TMEM132B: variants seen among roughly 807,000 people sequenced by gnomAD.
TMEM132B encodes the protein transmembrane protein 132B.
In TMEM132B, 18 loss-of-function variants were observed where a neutral mutation model predicts 90.8. The observed-to-expected ratio is 0.20, with a 90% confidence interval of 0.14 to 0.29. The LOEUF (loss-of-function observed/expected upper bound fraction) is 0.29. Ranked by LOEUF, TMEM132B falls within the 10% of genes least tolerant of loss-of-function variation. TMEM132B has a pLI of 1.00. For missense variants in TMEM132B, 1,096 were observed against 1,326.8 expected, an observed-to-expected ratio of 0.83 and a Z score of 2.70; for synonymous variants, 504 against 523.3, an observed-to-expected ratio of 0.96 and a Z score of 0.50.
chr12:125,577,603 C>G (rs1884968934), intron 4 of TMEM132B, among the ~76,000 whole-genome samples: 3 of 150,436 alleles, frequency 2.0e-5, no homozygotes, highest in Non-Finnish European at 3.0e-5. Context: ...CTATACTTAA[C>G]ATTTTTTCTA....
At chr12:125,233,144 C>T (rs1182904941) in intron 1 of TMEM132B, among the ~76,000 whole-genome samples, 1 of 152,194 alleles carries the variant, frequency 6.6e-6, no homozygotes, top group Non-Finnish European at 1.5e-5. Context: ...ATTTTTAACT[C>T]ACCCCAGTGT....
intron 3 of TMEM132B, among the ~76,000 whole-genome samples, chr12:125,506,616 G>C (rs1403084139): frequency 6.6e-6 from 1 of 152,038 alleles, no homozygotes; most frequent in African/African-American, 2.4e-5. Context: ...ACTCTCTTAA[G>C]TGGGACATAA....
In TMEM132B at chr12:125,187,336, G is replaced by A. The variant is rs376951479; in HGVS notation, c.67+470G>A. Among the ~76,000 whole-genome samples, 45 of 152,334 alleles carry A rather than the reference G, an allele frequency of 3.0e-4. 1 individual carries two copies. The highest frequency in any genetic ancestry group is 1.0e-3 in the African/African-American group (42 of 41,584). ...GCGGGCCCCGGAGATGTCTCGGCCG[G>A]CGCTGTCTGGCTTGTCCGCAGCCCC... On this transcript the variant is annotated intron_variant, in intron 1 of 8. Transcript: ENST00000682704.
chr12:125,534,521 T>A (rs1299130314), intron 4 of TMEM132B, among the ~76,000 whole-genome samples: 1 of 152,028 alleles, frequency 6.6e-6, no homozygotes, highest in African/African-American at 2.4e-5. Flanking sequence ...TGTCTCAGAT[T>A]TTCCACCCCA....
At chr12:125,551,762 A>C (rs1053133546) in intron 4 of TMEM132B, among the ~76,000 whole-genome samples, 1 of 152,176 alleles carries the variant, frequency 6.6e-6, no homozygotes, top group South Asian at 2.1e-4. Context: ...AGCTGGGGGC[A>C]GTTGAGCCAG....
chr12:125,646,952 T>C (rs1886778829), intron 6 of TMEM132B, among the ~76,000 whole-genome samples: 1 of 152,102 alleles, frequency 6.6e-6, no homozygotes. Context: ...AAGCTTTCAG[T>C]AGGAAATTAC....
At chr12:125,597,989 G>C (rs1885482604) in intron 5 of TMEM132B, among the ~76,000 whole-genome samples, 1 of 152,130 alleles carries the variant, frequency 6.6e-6, no homozygotes, top group Non-Finnish European at 1.5e-5. Flanking sequence ...TAAGGATTCA[G>C]AATTGGCAAT....
In TMEM132B at chr12:125,527,998, C is replaced by T. The variant is rs1027192953; in HGVS notation, c.1293+8373C>T. ...ACAGATGGTCAAAAGCTTCAAAAAC[C>T]GCTTCTTGAAAAGGGTGGTCTAAGG... On this transcript the variant is annotated intron_variant, in intron 4 of 8. Coordinates refer to ENST00000682704, the MANE Select transcript of TMEM132B (RefSeq NM_001366854.1). Among the ~76,000 whole-genome samples the T allele has an allele frequency of 1.1e-4, 17 of 152,304 alleles. No individual in the cohort carries two copies. The East Asian group carries it at 1.5e-3, about 14-fold the overall frequency.
chr12:125,432,509 G>GTATATATA (rs1555248844), intron 3 of TMEM132B, among the ~76,000 whole-genome samples: 3 of 10,510 alleles, frequency 2.9e-4, no homozygotes, highest in Non-Finnish European at 4.0e-4. Context: ...ATATGTGTGT[G>GTATATATA]TGTATATATA....
At chr12:125,256,993 T>C (rs1195804177) in intron 1 of TMEM132B, among the ~76,000 whole-genome samples, 1 of 152,118 alleles carries the variant, frequency 6.6e-6, no homozygotes, top group Non-Finnish European at 1.5e-5. Context: ...CTGGGATTTA[T>C]TAGAAATTGC....
At chr12:125,228,175 G>T (rs992237770) in intron 1 of TMEM132B, among the ~76,000 whole-genome samples, 1 of 152,146 alleles carries the variant, frequency 6.6e-6, no homozygotes, top group East Asian at 1.9e-4. Flanking sequence ...TGACATGGAA[G>T]ACCCCCTGTT....
At chr12:125,420,623 T>C (rs1197153871) in intron 3 of TMEM132B, among the ~76,000 whole-genome samples, 1 of 152,202 alleles carries the variant, frequency 6.6e-6, no homozygotes, top group Non-Finnish European at 1.5e-5. Context: ...GGAGACATTT[T>C]CTCCATTGTC....
At chr12:125,595,012 G>A (rs1292325110) in intron 5 of TMEM132B, among the ~76,000 whole-genome samples, 3 of 152,114 alleles carry the variant, frequency 2.0e-5, no homozygotes, top group Admixed American at 2.0e-4. Context: ...ACAAACAAAA[G>A]GCATGACGGG....
chr12:125,537,177 C>A (rs878958155), intron 4 of TMEM132B, among the ~76,000 whole-genome samples: 1 of 152,156 alleles, frequency 6.6e-6, no homozygotes, highest in African/African-American at 2.4e-5. Context: ...TACAAAGAGT[C>A]GGCCTTCCTC....
chr12:125,214,663 C>T lies in TMEM132B; in HGVS notation c.67+27797C>T, dbSNP rs140852470. 8.5e-5 allele frequency among the ~76,000 whole-genome samples: 13 copies of T among 152,332 alleles called. 1 individual carries two copies. Among genetic ancestry groups the T allele is most frequent in the South Asian group, 6.2e-4 (3 of 4,822 alleles). Reference sequence around the variant, plus strand: ...TGGCTGCTGTCAGGCCCAAACAACACGTGCCCACTCTAGCAGTCAGGCTGG... The same window carrying T: ...TGGCTGCTGTCAGGCCCAAACAACATGTGCCCACTCTAGCAGTCAGGCTGG... On this transcript the variant is annotated intron_variant, in intron 1 of 8. Coordinates refer to ENST00000682704, the MANE Select transcript of TMEM132B (RefSeq NM_001366854.1).
intron 3 of TMEM132B, among the ~76,000 whole-genome samples, chr12:125,462,613 C>T (rs940992579): frequency 1.3e-5 from 2 of 152,030 alleles, no homozygotes; most frequent in African/African-American, 2.4e-5. Flanking sequence ...TAGATGTCCC[C>T]GAAGTGAGGC....
intron 3 of TMEM132B, among the ~76,000 whole-genome samples, chr12:125,485,614 C>G (rs956273856): frequency 1.3e-5 from 2 of 152,170 alleles, no homozygotes; most frequent in Non-Finnish European, 2.9e-5. Flanking sequence ...AATTGTTTCT[C>G]TCTTCTTTGT....
chr12:125,352,840 T>C (rs536197077), intron 2 of TMEM132B, among the ~76,000 whole-genome samples: 2 of 152,342 alleles, frequency 1.3e-5, no homozygotes, highest in East Asian at 3.9e-4. Flanking sequence ...ATTCCGAGGC[T>C]CTGGCAGATC....
intron 5 of TMEM132B, among the ~76,000 whole-genome samples, chr12:125,621,623 G>A (rs1323120050): frequency 2.0e-5 from 3 of 152,120 alleles, no homozygotes; most frequent in Admixed American, 2.0e-4. Context: ...CTTCATGCTG[G>A]AGCCCAGATT....
Sources: gnomAD v4.1 joint callset for allele counts (sites outside exome capture counted in the v4.1 genomes callset) on GRCh38, gnomAD v4.1.1 for gene constraint, MANE v1.5 for transcripts, NCBI Gene and HGNC (gene_info 2026-07-23, HGNC 2026-07-21) for gene names.